Variants in ITGBL1 observed in about 807,000 individuals in gnomAD.
ITGBL1 encodes the protein integrin subunit beta like 1, also known as integrin beta-like protein 1.
Under a neutral mutation model 68.5 loss-of-function variants are expected in ITGBL1, and 51 were observed. That is an observed-to-expected ratio of 0.74 (90% CI 0.59 to 0.94). The LOEUF is 0.94. ITGBL1 is among the 40% of genes least tolerant of loss of function. The pLI, the probability that ITGBL1 is intolerant of heterozygous loss-of-function variation, is 0.00. For synonymous variants in ITGBL1, 209 were observed against 227.3 expected, an observed-to-expected ratio of 0.92 and a Z score of 0.72; for missense variants, 649 against 647.4, an observed-to-expected ratio of 1.00 and a Z score of -0.03.
At chr13:101,560,755 CT>C (rs960512063) in intron 2 of ITGBL1, among the ~76,000 whole-genome samples, 2 of 152,028 alleles carry the variant, frequency 1.3e-5, no homozygotes, top group Non-Finnish European at 2.9e-5. Context: ...TCAAATTATC[CT>C]TTTTTTGTAT....
intron 2 of ITGBL1, among the ~76,000 whole-genome samples, chr13:101,492,435 G>A (rs1420116410): frequency 2.0e-5 from 3 of 152,188 alleles, no homozygotes; most frequent in Non-Finnish European, 4.4e-5. Context: ...TTGGCTCAAT[G>A]GAGCTGACAC....
At chr13:101,659,593 C>T (rs2033028676) in intron 7 of ITGBL1, among the ~76,000 whole-genome samples, 1 of 151,830 alleles carries the variant, frequency 6.6e-6, no homozygotes, top group Admixed American at 6.6e-5. Context: ...TTTCCTGTAG[C>T]TGGGACTACA....
downstream of ITGBL1, chr13:101,719,881 C>T (rs1241857307): frequency 2.0e-5 from 3 of 151,834 alleles, no homozygotes; most frequent in Non-Finnish European, 2.9e-5. Flanking sequence ...AAAAAAATGG[C>T]GAAGTCTTAT....
Position 101,715,663 on chromosome 13 carries a change from T to A in ITGBL1, c.*9T>A. 1 of 1,570,082 alleles carries A rather than the reference T, an allele frequency of 6.4e-7. No homozygotes were observed. Among genetic ancestry groups the A allele is most frequent in the Non-Finnish European group, 8.8e-7 (1 of 1,140,036 alleles). On this transcript the variant is annotated 3_prime_UTR_variant, in exon 11 of 11. Transcript: ENST00000376180. ...GCTCAGAATATCCTTAACAATTACATGAGAGAGGTCTGGATTCTTATTTTT... is the reference window on the plus strand; with the variant it reads ...GCTCAGAATATCCTTAACAATTACAAGAGAGAGGTCTGGATTCTTATTTTT...
intron 9 of ITGBL1, among the ~76,000 whole-genome samples, chr13:101,709,687 G>A (rs995900800): frequency 3.3e-5 from 5 of 152,176 alleles, no homozygotes; most frequent in African/African-American, 1.2e-4. Context: ...AAACACTAGT[G>A]TGCTTATTTA....
chr13:101,720,001 G>A (rs753739943), downstream of ITGBL1: 2 of 152,058 alleles, frequency 1.3e-5, no homozygotes, highest in Non-Finnish European at 2.9e-5. Flanking sequence ...CTCTATATTG[G>A]TGAGTAATGC....
intron 2 of ITGBL1, among the ~76,000 whole-genome samples, chr13:101,491,626 T>A (rs1011881178): frequency 2.0e-5 from 3 of 149,690 alleles, no homozygotes; most frequent in Non-Finnish European, 4.4e-5. Context: ...TCTTTTTCTT[T>A]ATTTTTTTTT....
chr13:101,493,245 G>A (rs1454050057), intron 2 of ITGBL1, among the ~76,000 whole-genome samples: 1 of 151,954 alleles, frequency 6.6e-6, no homozygotes, highest in African/African-American at 2.4e-5. Context: ...TGGAGCTCTT[G>A]CTTTTTTGTC....
At chr13:101,502,652 A>G (rs2048961926) in intron 2 of ITGBL1, among the ~76,000 whole-genome samples, 1 of 152,184 alleles carries the variant, frequency 6.6e-6, no homozygotes, top group Admixed American at 6.6e-5. Flanking sequence ...TTTTATTGCT[A>G]ACTCTGAATA....
intron 2 of ITGBL1, among the ~76,000 whole-genome samples, chr13:101,533,623 C>A (rs11841213): frequency 0.011 from 1,706 of 152,238 alleles, 31 homozygotes; most frequent in African/African-American, 0.039. Context: ...AAGTGTAAAT[C>A]CAAACACTAA....
At chr13:101,655,369 G>C (rs2139463205) in intron 7 of ITGBL1, among the ~76,000 whole-genome samples, 1 of 148,578 alleles carries the variant, frequency 6.7e-6, no homozygotes, top group African/African-American at 2.5e-5. Flanking sequence ...TGAAACGCAA[G>C]GTGATAGACA....
rs1314510148 is a variant in ITGBL1, at chr13:101,583,201, C to T, written c.728-15C>T. On this transcript the variant is annotated splice_polypyrimidine_tract_variant and intron_variant, in intron 5 of 10. Transcript: ENST00000376180. ...TTCTTGACTGGATTCTTATAAAATT[C>T]TTCTTCCCACCTAGGGACTTGTGTA... is the stretch of plus-strand genomic sequence containing the variant. 8.1e-6 allele frequency: 13 copies of T among 1,610,956 alleles called. No homozygotes were observed. Among genetic ancestry groups the T allele is most frequent in the African/African-American group, 1.3e-5 (1 of 74,662 alleles).
chr13:101,462,481 A>G (rs1594823336), intron 2 of ITGBL1, among the ~76,000 whole-genome samples: 1 of 152,172 alleles, frequency 6.6e-6, no homozygotes, highest in African/African-American at 2.4e-5. Flanking sequence ...AACTCCATTC[A>G]TATCTGGCTG....
intron 2 of ITGBL1, among the ~76,000 whole-genome samples, chr13:101,521,502 A>T (rs2049283360): frequency 6.6e-6 from 1 of 152,162 alleles, no homozygotes; most frequent in Non-Finnish European, 1.5e-5. Flanking sequence ...GTATCCAGGG[A>T]ACAAGACAGA....
intron 2 of ITGBL1, among the ~76,000 whole-genome samples, chr13:101,535,793 CT>C (rs1341389008): frequency 6.6e-6 from 1 of 152,008 alleles, no homozygotes; most frequent in East Asian, 1.9e-4. Context: ...AAAATTTTTC[CT>C]TGCAAAATTT....
chr13:101,528,511 A>G (rs1404433758), intron 2 of ITGBL1, among the ~76,000 whole-genome samples: 1 of 151,242 alleles, frequency 6.6e-6, no homozygotes, highest in Non-Finnish European at 1.5e-5. Flanking sequence ...TATTTGTGCC[A>G]TGTTGTGTTC....
chr13:101,618,150 A>T (rs991249202), intron 7 of ITGBL1, among the ~76,000 whole-genome samples: 2 of 152,216 alleles, frequency 1.3e-5, no homozygotes, highest in Non-Finnish European at 1.5e-5. Context: ...GCTATTAACT[A>T]GCTACATGGG....
At chr13:101,538,815 T>C (rs1192674481) in intron 2 of ITGBL1, among the ~76,000 whole-genome samples, 1 of 152,134 alleles carries the variant, frequency 6.6e-6, no homozygotes, top group Non-Finnish European at 1.5e-5. Flanking sequence ...TAAGAAATAC[T>C]TACATAGTGT....
At chr13:101,665,258 A>G (rs1435565212) in intron 7 of ITGBL1, among the ~76,000 whole-genome samples, 1 of 152,164 alleles carries the variant, frequency 6.6e-6, no homozygotes, top group Non-Finnish European at 1.5e-5. Flanking sequence ...GACAGCATTG[A>G]TGTTCTAATC....
Sources: gnomAD v4.1 joint callset for allele counts (sites outside exome capture counted in the v4.1 genomes callset) on GRCh38, gnomAD v4.1.1 for gene constraint, MANE v1.5 for transcripts, NCBI Gene and HGNC (gene_info 2026-07-23, HGNC 2026-07-21) for gene names.